TLE2: variants seen among roughly 807,000 people sequenced by gnomAD.
TLE2 encodes the protein transducin-like enhancer protein 2.
A neutral mutation model predicts 97.2 loss-of-function variants in TLE2; 74 were observed. The ratio of observed to expected loss-of-function variants is 0.76; its 90% CI spans 0.63 to 0.92. TLE2 has a LOEUF of 0.92. Among genes scored for constraint, TLE2 ranks in the 40% least tolerant of loss-of-function variants. The pLI is 0.00. For missense variants in TLE2, 1,038 were observed against 1,008.7 expected (o/e 1.03, Z -0.39); for synonymous variants, 499 against 432.1 (o/e 1.15, Z -1.92).
In TLE2 at chr19:3,015,753, G is replaced by T; in HGVS notation, c.578C>A (p.Ser193Tyr). The T allele has an allele frequency of 1.9e-6, 3 of 1,606,978 alleles. No individual in the cohort carries two copies. The highest frequency in any genetic ancestry group is 2.5e-6 in the Non-Finnish European group (3 of 1,177,446). ...CACGAGACTCTCAGGGGGCGAGGGAGATGCACTCTGCGGAGAGACAAAGGC... is the reference window on the plus strand; with the variant it reads ...CACGAGACTCTCAGGGGGCGAGGGATATGCACTCTGCGGAGAGACAAAGGC... ...RVERAPSRSA[S>Y]PSPPESLVEE... Residue 193 changes from serine (S) to tyrosine (Y), a missense_variant, in exon 9 of 20, where the codon TCT becomes TAT. Ser to Tyr is a moderately radical substitution (Grantham distance 144). Coordinates refer to ENST00000262953, the MANE Select transcript of TLE2 (RefSeq NM_003260.5).
At chr19:3,024,220 G>T (rs1450826581) in intron 5 of TLE2, among the ~76,000 whole-genome samples, 1 of 151,432 alleles carries the variant, frequency 6.6e-6, no homozygotes, top group Non-Finnish European at 1.5e-5. Context: ...TGGACAGGCT[G>T]GTCTCGAACT....
intron 5 of TLE2, 137 bp downstream of exon 5, chr19:3,024,883 T>C (rs2089912957): frequency 1.4e-6 from 1 of 718,274 alleles, no homozygotes; most frequent in Non-Finnish European, 2.3e-6. Flanking sequence ...GCGGGACTAC[T>C]GCAGTGAAAA....
chr19:3,015,847 C>T, intron 8 of TLE2, 87 bp from the exon 9 acceptor site: 1 of 1,011,852 alleles, frequency 9.9e-7, no homozygotes, highest in African/African-American at 1.6e-5. Flanking sequence ...CTGAGGGTCC[C>T]CCACCATTAT....
At chr19:3,000,463 C>A (rs1052748128) in intron 19 of TLE2, among the ~76,000 whole-genome samples, 184 bp downstream of exon 19, 3 of 152,042 alleles carry the variant, frequency 2.0e-5, no homozygotes, top group African/African-American at 7.2e-5. Context: ...TGAGGCGAGG[C>A]CTCCGGCTGA....
rs974560937 is a variant in TLE2, at chr19:3,009,048, C to T, written c.1174-103G>A. On this transcript the variant is annotated intron_variant, in intron 13 of 19. Coordinates refer to ENST00000262953, the MANE Select transcript of TLE2 (RefSeq NM_003260.5). ...TACCCCTCTCTGTTTATCACCCCTC[C>T]CCAAGGCAGCAGAGATGCCTTCTCT... is the stretch of plus-strand genomic sequence containing the variant. 4 of 893,500 alleles carry T rather than the reference C, an allele frequency of 4.5e-6. No homozygotes were observed. In the African/African-American group the frequency reaches 5.1e-5, roughly 11 times the overall value. The allele number at this position is 893,500 out of a possible 1,614,324, so 55.3% of individuals were successfully genotyped here.
chr19:3,028,968 GGGGGAGGCTGAAGTGGGGTGGT>G lies in TLE2; in HGVS notation c.-86_-65del. 2.5e-6 allele frequency: 4 copies of G among 1,581,846 alleles called. No individual in the cohort carries two copies. Among genetic ancestry groups the G allele is most frequent in the Middle Eastern group, 4.7e-4 (2 of 4,274 alleles). ...TTGATGATATGGAGGCGGCAAGAGTGGGGGAGGCTGAAGTGGGGTGGTGGGGAGGCTGCCCGAAGAAAGAGGG... is the reference window on the plus strand; with the variant it reads ...TTGATGATATGGAGGCGGCAAGAGTGGGGGAGGCTGCCCGAAGAAAGAGGG... On this transcript the variant is annotated 5_prime_UTR_variant, in exon 1 of 20. Coordinates refer to ENST00000262953, the MANE Select transcript of TLE2 (RefSeq NM_003260.5).
At chr19:3,041,923 G>C (rs936476655) in intron 1 of TLE2, among the ~76,000 whole-genome samples, 1 of 77,998 alleles carries the variant, frequency 1.3e-5, no homozygotes, top group Non-Finnish European at 2.8e-5. Context: ...CTGCCTTTGC[G>C]GGGGGCCCCG....
rs1470708588 is a variant in TLE2 at position 3,012,399 on chromosome 19, T to G, written c.874-1239A>C. ...CCCGGCTAACTTTTTAAATTTTTCA[T>G]AGAGACAAGGTCTCACTATGTTGCC... On this transcript the variant is annotated intron_variant, in intron 11 of 19. Coordinates refer to ENST00000262953, the MANE Select transcript of TLE2 (RefSeq NM_003260.5). 2.6e-5 allele frequency among the ~76,000 whole-genome samples: 4 copies of G among 152,212 alleles called. No homozygotes were observed. The East Asian group carries it at 7.7e-4, about 29-fold the overall frequency.
In TLE2 at chr19:3,041,005, ATATATATATTTTTTTTTT is replaced by A. The variant is rs1242945997; in HGVS notation, c.63+4703_63+4720del. Among the ~76,000 whole-genome samples the A allele has an allele frequency of 1.6e-4, 5 of 31,870 alleles. No homozygotes were observed. The East Asian group carries it at 5.8e-3, about 37-fold the overall frequency. The allele number at this position is 31,870 out of a possible 152,430, so 20.9% of individuals were successfully genotyped here. On this transcript the variant is annotated intron_variant, in intron 1 of 18. Coordinates refer to the TLE2 transcript ENST00000426948. Reference sequence around the variant, plus strand: ...TCTGCTGCCATTTATATATATATATATATATATATTTTTTTTTTTTTTTTTTTTTTTTTTTTTTTGAGA... The same window carrying A: ...TCTGCTGCCATTTATATATATATATATTTTTTTTTTTTTTTTTTTTTGAGA...
At chr19:3,021,123 G>C (rs867864464) in intron 5 of TLE2, among the ~76,000 whole-genome samples, 1 of 112,838 alleles carries the variant, frequency 8.9e-6, no homozygotes, top group Non-Finnish European at 1.8e-5. Context: ...AAGGGGGGGG[G>C]GTGCTGAGCG....
In TLE2 at chr19:3,008,850, G is replaced by T; in HGVS notation, c.1250+19C>A. The T allele has an allele frequency of 1.3e-6, 2 of 1,539,726 alleles. No individual in the cohort carries two copies. Among genetic ancestry groups the T allele is most frequent in the Non-Finnish European group, 1.8e-6 (2 of 1,140,072 alleles). On this transcript the variant is annotated intron_variant, in intron 14 of 19. Transcript: ENST00000262953. ...GCTGGCCCGGGACCCCAGGCAGGGA[G>T]CCCCACCCTGGTACTCACGGCTTTC...
Position 3,027,836 on chromosome 19 carries a change from T to A in TLE2, c.224A>T (p.His75Leu). ...EMSYGLNIEM[H>L]KQAEIVKRLS... ...TAACCCCAACCCAGTTACCTGCTTA[T>A]GCATTTCAATGTTGAGCCCGTACGA... The change falls in exon 4 of 20, where the codon CAT (histidine) becomes CTT (leucine). Residue 75 changes from histidine to leucine, a missense_variant. Transcript: ENST00000262953. The A allele has an allele frequency of 6.2e-7, 1 of 1,611,614 alleles. No homozygotes were observed. Among genetic ancestry groups the A allele is most frequent in the Non-Finnish European group, 8.5e-7 (1 of 1,179,120 alleles).
intron 12 of TLE2, among the ~76,000 whole-genome samples, chr19:3,010,236 T>TGCTACTCAGTA (rs1449521266): frequency 1.3e-5 from 2 of 151,834 alleles, no homozygotes; most frequent in East Asian, 2.0e-4. Context: ...TGGTGGTGCA[T>TGCTACTCAGTA]GCCCGTAATT....
At chr19:3,043,131 T>A (rs2145236471) in intron 1 of TLE2, among the ~76,000 whole-genome samples, 1 of 149,452 alleles carries the variant, frequency 6.7e-6, no homozygotes, top group East Asian at 2.0e-4. Flanking sequence ...AGCTTTTTGT[T>A]TTTTGTTATT....
chr19:3,035,749 T>C (rs1237459377), intron 1 of TLE2, among the ~76,000 whole-genome samples: 1 of 152,106 alleles, frequency 6.6e-6, no homozygotes, highest in Non-Finnish European at 1.5e-5. Context: ...CAGCAACCAA[T>C]GGCAGGAGGC....
chr19:3,001,273 A>T (rs1402203389), intron 18 of TLE2, among the ~76,000 whole-genome samples: 2 of 7,278 alleles, frequency 2.7e-4, no homozygotes, highest in African/African-American at 2.2e-3. Flanking sequence ...ACTCTGTCTC[A>T]AAAAAAAAAA....
chr19:2,997,689 C>A lies in TLE2; in HGVS notation c.*159G>T. 1 of 596,944 alleles carries A rather than the reference C, an allele frequency of 1.7e-6. No homozygotes were observed. The highest frequency in any genetic ancestry group is 3.0e-6 in the Non-Finnish European group (1 of 328,396). The allele number at this position is 596,944 out of a possible 1,614,324, so 37.0% of individuals were successfully genotyped here. A position where few individuals can be genotyped will look rare whatever the true frequency, so the allele number is the denominator to read the frequency against. Reference sequence around the variant, plus strand: ...TCCACCGAGGTCCCCTGCCCATCGGCCCCCACATGCAGCAGGGGAAGGTGT... The same window carrying A: ...TCCACCGAGGTCCCCTGCCCATCGGACCCCACATGCAGCAGGGGAAGGTGT... On this transcript the variant is annotated 3_prime_UTR_variant, in exon 20 of 20. Transcript: ENST00000262953.
upstream of TLE2, among the ~76,000 whole-genome samples, chr19:3,046,743 T>C (rs182336997): frequency 2.2e-3 from 331 of 151,728 alleles, no homozygotes; most frequent in Non-Finnish European, 3.7e-3. Context: ...GCTGGGAGAA[T>C]GGTGGGGTCG....
In TLE2 at chr19:3,019,924, C is replaced by G; in HGVS notation, c.295-151G>C. On this transcript the variant is annotated intron_variant, in intron 5 of 19. Coordinates refer to ENST00000262953, the MANE Select transcript of TLE2 (RefSeq NM_003260.5). The surrounding 1 kb of genome is among the most constrained non-coding windows in gnomAD (Gnocchi z 5.1). The stretch of plus-strand genomic sequence containing the variant: ...TATCTTTTTCCCTCTCACTCTCTCC[C>G]TTTCCTTTTGGAATTTTGAAATAAG... 1 of 1,092,914 alleles carries G rather than the reference C, an allele frequency of 9.1e-7. No individual in the cohort carries two copies. The highest frequency in any genetic ancestry group is 1.6e-5 in the South Asian group (1 of 61,498). The allele number at this position is 1,092,914 out of a possible 1,614,324, so 67.7% of individuals were successfully genotyped here.
Sources: gnomAD v4.1 joint callset for allele counts (sites outside exome capture counted in the v4.1 genomes callset) on GRCh38, gnomAD v4.1.1 for gene constraint, Gnocchi (gnomAD v3.1) non-coding constraint, MANE v1.5 for transcripts, NCBI Gene and HGNC (gene_info 2026-07-23, HGNC 2026-07-21) for gene names.